The following CNIH3 variants were observed in gnomAD, a reference collection of about 807,000 sequenced individuals.
The protein encoded by CNIH3 is protein cornichon homolog 3.
A neutral mutation model predicts 24.1 loss-of-function variants in CNIH3; 14 were observed. The ratio of observed to expected loss-of-function variants is 0.58; its 90% CI spans 0.38 to 0.91. The LOEUF (loss-of-function observed/expected upper bound fraction) is 0.91, where lower values mean the gene tolerates loss of function less well. Among genes scored for constraint, CNIH3 ranks in the 40% least tolerant of loss-of-function variants. The probability of loss-of-function intolerance (pLI) is 0.00; values close to 1 mark genes in which losing one functional copy is unlikely to be tolerated. For missense variants in CNIH3, 178 were observed against 196.8 expected, an observed-to-expected ratio of 0.90 and a Z score of 0.57; for synonymous variants, 68 against 73.8, an observed-to-expected ratio of 0.92 and a Z score of 0.40.
intron 1 of CNIH3, among the ~76,000 whole-genome samples, chr1:224,635,992 C>T (rs894034482): frequency 2.6e-4 from 39 of 152,110 alleles, no homozygotes; most frequent in Admixed American, 2.2e-3. Context: ...GGGATTACTG[C>T]GTGAACCCTC....
intron 3 of CNIH3, among the ~76,000 whole-genome samples, chr1:224,724,518 A>G (rs1688914730): frequency 6.6e-6 from 1 of 152,232 alleles, no homozygotes; most frequent in South Asian, 2.1e-4. Context: ...TGCTGGGAAT[A>G]CTGACTTCGT....
intron 3 of CNIH3, among the ~76,000 whole-genome samples, chr1:224,558,734 G>T (rs943451517): frequency 2.6e-5 from 4 of 152,166 alleles, no homozygotes; most frequent in Non-Finnish European, 5.9e-5. Context: ...GGGTTGGGAA[G>T]AATTATTACA....
intron 3 of CNIH3, among the ~76,000 whole-genome samples, chr1:224,595,766 G>C (rs1224228578): frequency 6.6e-6 from 1 of 152,162 alleles, no homozygotes; most frequent in Non-Finnish European, 1.5e-5. Context: ...TGATAAGAAA[G>C]CAAAACAACC....
At chr1:224,434,740 C>T (rs1674562560) in exon 1 of CNIH3, 1 of 986,738 alleles carries the variant, frequency 1.0e-6, no homozygotes, top group Non-Finnish European at 1.2e-6. Flanking sequence ...CCTCTGTCCT[C>T]GGATCCGCTC....
In CNIH3 at chr1:224,688,776, TTA is replaced by T. The variant is rs1361997772; in HGVS notation, c.198+3934_198+3935del. Among the ~76,000 whole-genome samples, 317 of 151,840 alleles carry T rather than the reference TTA, an allele frequency of 2.1e-3. 1 individual carries two copies. The highest frequency in any genetic ancestry group is 7.2e-3 in the African/African-American group (298 of 41,386). On this transcript the variant is annotated intron_variant, in intron 3 of 5. Coordinates refer to ENST00000272133, the MANE Select transcript of CNIH3 (RefSeq NM_152495.2). ...GCCAACATGGTGAAACCCCCACAAA[TTA>T]GTCGGGCGTGGTGGTGGGCGCCTGT...
intron 1 of CNIH3, among the ~76,000 whole-genome samples, chr1:224,626,812 T>C (rs570927599): frequency 2.6e-5 from 4 of 152,296 alleles, no homozygotes; most frequent in African/African-American, 9.6e-5. Flanking sequence ...ACCGTAGATA[T>C]GTCTATTTAT....
intron 3 of CNIH3, among the ~76,000 whole-genome samples, chr1:224,557,147 T>G (rs1680171091): frequency 6.6e-6 from 1 of 152,098 alleles, no homozygotes; most frequent in African/African-American, 2.4e-5. Flanking sequence ...GCTCAAGTGA[T>G]CCTCCCACCT....
intron 3 of CNIH3, among the ~76,000 whole-genome samples, chr1:224,610,143 T>C (rs989347087): frequency 1.3e-5 from 2 of 152,238 alleles, no homozygotes; most frequent in Non-Finnish European, 2.9e-5. Context: ...CTAATGTAAG[T>C]ATTCTAAGCA....
At chr1:224,677,305 G>A (rs1457934071) in intron 1 of CNIH3, among the ~76,000 whole-genome samples, 1 of 152,198 alleles carries the variant, frequency 6.6e-6, no homozygotes, top group Non-Finnish European at 1.5e-5. Flanking sequence ...TAGCACAGTG[G>A]CCTGTCTACA....
chr1:224,716,333 A>G (rs1301043898), intron 3 of CNIH3, among the ~76,000 whole-genome samples: 2 of 152,206 alleles, frequency 1.3e-5, no homozygotes, highest in African/African-American at 4.8e-5. Context: ...TCATAAAAAC[A>G]TGTGTTTTCT....
chr1:224,456,419 G>A (rs145669851), intron 1 of CNIH3, among the ~76,000 whole-genome samples: 208 of 152,238 alleles, frequency 1.4e-3, no homozygotes, highest in African/African-American at 4.6e-3. Flanking sequence ...CTTTCTTTAA[G>A]TGTTTTTTGG....
In CNIH3 at chr1:224,730,594, G is replaced by T. The variant is rs772818388; in HGVS notation, c.311+20G>T. ...CTGGAGGTAAGTCAGACTGGGACTGGTATATCCTTCGTCTTTTCTGCCAGG... is the reference window on the plus strand; with the variant it reads ...CTGGAGGTAAGTCAGACTGGGACTGTTATATCCTTCGTCTTTTCTGCCAGG... On this transcript the variant is annotated intron_variant, in intron 4 of 5. Coordinates refer to ENST00000272133, the MANE Select transcript of CNIH3 (RefSeq NM_152495.2). 6 of 1,456,682 alleles carry T rather than the reference G, an allele frequency of 4.1e-6. No homozygotes were observed. The South Asian group carries it at 7.3e-5, about 18-fold the overall frequency. The allele number at this position is 1,456,682 out of a possible 1,614,324, so 90.2% of individuals were successfully genotyped here. A position where few individuals can be genotyped will look rare whatever the true frequency, so the allele number is the denominator to read the frequency against.
chr1:224,628,009 C>G (rs1182522662), intron 1 of CNIH3, among the ~76,000 whole-genome samples: 2 of 151,504 alleles, frequency 1.3e-5, no homozygotes, highest in African/African-American at 4.8e-5. Context: ...TCTTTTACCT[C>G]TGCCTCTGGA....
At position 224,617,087 on chromosome 1, in the gene CNIH3, G is replaced by T; in HGVS notation, c.-88G>T. 6.4e-7 allele frequency: 1 copy of T among 1,558,072 alleles called. No individual in the cohort carries two copies. Among genetic ancestry groups the T allele is most frequent in the Non-Finnish European group, 8.6e-7 (1 of 1,157,180 alleles). ...GCCTGGAGAGGAGCGTGCAGACGCG[G>T]CTCCTTGGAGGGAGTGCGGTCCTCT... On this transcript the variant is annotated 5_prime_UTR_variant, in exon 1 of 6. Coordinates refer to ENST00000272133, the MANE Select transcript of CNIH3 (RefSeq NM_152495.2).
chr1:224,550,873 G>A (rs1572459200), intron 3 of CNIH3, among the ~76,000 whole-genome samples: 2 of 111,406 alleles, frequency 1.8e-5, no homozygotes, highest in East Asian at 2.5e-4. Flanking sequence ...CCCACAACAG[G>A]CCCCGGTGTG....
chr1:224,732,776 G>A (rs945089408), intron 4 of CNIH3, among the ~76,000 whole-genome samples: 4 of 152,180 alleles, frequency 2.6e-5, no homozygotes, highest in South Asian at 2.1e-4. Flanking sequence ...TTGTCCAAAA[G>A]GGAGGAAAAG....
chr1:224,588,968 G>GTTTTTTTTTTTTTTT (rs974335950), downstream of CNIH3, among the ~76,000 whole-genome samples: 10 of 112,320 alleles, frequency 8.9e-5, no homozygotes, highest in Non-Finnish European at 1.0e-4. Flanking sequence ...CTGACCCCCT[G>GTTTTTTTTTTTTTTT]TTTTTTTTTT....
chr1:224,619,998 CCTT>C (rs752970078), intron 1 of CNIH3, among the ~76,000 whole-genome samples: 3 of 152,216 alleles, frequency 2.0e-5, no homozygotes, highest in Non-Finnish European at 4.4e-5. Flanking sequence ...GTTTTCCTCC[CCTT>C]TTTTCCCACT....
At chr1:224,602,630 A>C (rs555607868) in intron 3 of CNIH3, among the ~76,000 whole-genome samples, 1 of 152,258 alleles carries the variant, frequency 6.6e-6, no homozygotes, top group Admixed American at 6.5e-5. Flanking sequence ...AGAAAACCAA[A>C]TAGAAGTGTA....
Sources: gnomAD v4.1 joint callset for allele counts (sites outside exome capture counted in the v4.1 genomes callset) on GRCh38, gnomAD v4.1.1 for gene constraint, MANE v1.5 for transcripts, NCBI Gene and HGNC (gene_info 2026-07-23, HGNC 2026-07-21) for gene names.